Variants in ADRA1B observed in about 807,000 individuals in gnomAD.
ADRA1B encodes adrenoceptor alpha 1B, also known as alpha-1B adrenergic receptor.
A neutral mutation model predicts 17.9 loss-of-function variants in ADRA1B; 17 were observed. The ratio of observed to expected loss-of-function variants is 0.95; its 90% CI spans 0.65 to 1.42. The LOEUF (loss-of-function observed/expected upper bound fraction) is 1.42, where lower values mean the gene tolerates loss of function less well. ADRA1B is among the 40% of genes most tolerant of loss of function. The pLI, the probability that ADRA1B is intolerant of heterozygous loss-of-function variation, is 0.00. For synonymous variants in ADRA1B, 366 were observed against 327.6 expected (o/e 1.12, Z -1.27); for missense variants, 681 against 722.1 (o/e 0.94, Z 0.65).
At chr5:159,881,323 C>G (rs1001676591) in intron 1 of ADRA1B, among the ~76,000 whole-genome samples, 14 of 151,776 alleles carry the variant, frequency 9.2e-5, no homozygotes, top group East Asian at 3.9e-4. Context: ...CTCTCTCTCT[C>G]TCTCTCTCTC....
At chr5:159,916,320 C>G (rs1294292987), upstream of ADRA1B, 1 of 152,008 alleles carries the variant, frequency 6.6e-6, no homozygotes, top group African/African-American at 2.4e-5. Context: ...GCCCCGCCCC[C>G]CGCAGAGGGC....
At chr5:159,952,982 G>T (rs1581063255) in intron 1 of ADRA1B, among the ~76,000 whole-genome samples, 1 of 152,142 alleles carries the variant, frequency 6.6e-6, no homozygotes, top group Non-Finnish European at 1.5e-5. Flanking sequence ...TACACAGGGG[G>T]GATGCTATTT....
intron 1 of ADRA1B, among the ~76,000 whole-genome samples, chr5:159,962,403 T>A (rs546654364): frequency 1.1e-4 from 17 of 150,070 alleles, no homozygotes; most frequent in African/African-American, 4.2e-4. Context: ...GCCATCCGTC[T>A]GATTTCATTT....
chr5:159,985,233 C>G, the ADRA1B span, among the ~76,000 whole-genome samples: 1 of 152,218 alleles, frequency 6.6e-6, no homozygotes, highest in African/African-American at 2.4e-5. Context: ...CATTCTAAAA[C>G]AGATCATCTG....
intron 1 of ADRA1B, among the ~76,000 whole-genome samples, chr5:159,954,260 G>A (rs777630973): frequency 2.6e-5 from 4 of 152,198 alleles, no homozygotes; most frequent in Non-Finnish European, 4.4e-5. Context: ...CTGGAGGCTG[G>A]AAGTCCGAGA....
intron 1 of ADRA1B, among the ~76,000 whole-genome samples, chr5:159,927,622 C>G (rs1754695802): frequency 6.6e-6 from 1 of 152,202 alleles, no homozygotes; most frequent in South Asian, 2.1e-4. Context: ...TCCCATTTCA[C>G]TGAGATGGTC....
downstream of ADRA1B, among the ~76,000 whole-genome samples, chr5:159,974,453 G>A (rs1168861089): frequency 6.6e-6 from 1 of 152,086 alleles, no homozygotes; most frequent in Non-Finnish European, 1.5e-5. Context: ...TGGCCAACAG[G>A]GTGAAACCTC....
At chr5:159,962,669 CTT>C (rs113639158) in intron 1 of ADRA1B, among the ~76,000 whole-genome samples, 100 of 124,826 alleles carry the variant, frequency 8.0e-4, no homozygotes, top group Middle Eastern at 4.0e-3. Context: ...TGTTTTTCAG[CTT>C]TTTTTTTTTT....
In ADRA1B at chr5:159,943,916, A is replaced by T. The variant is rs879575578; in HGVS notation, c.949+26062A>T. ...CTCTCTCTCTCTCTGTCTCTCTCAC[A>T]CACACACACACACACACACACACAA... On this transcript the variant is annotated intron_variant, in intron 1 of 1. Coordinates refer to ENST00000306675, the MANE Select transcript of ADRA1B (RefSeq NM_000679.4). 6.7e-3 allele frequency among the ~76,000 whole-genome samples: 697 copies of T among 103,812 alleles called. 10 individuals carry two copies. The highest frequency in any genetic ancestry group is 0.017 in the African/African-American group (571 of 34,494). The allele number at this position is 103,812 out of a possible 152,430, so 68.1% of individuals were successfully genotyped here.
intron 1 of ADRA1B, chr5:159,950,420 G>T: frequency 1.3e-6 from 1 of 753,626 alleles, no homozygotes; most frequent in South Asian, 1.5e-5. Flanking sequence ...GACTGTGTGT[G>T]GCAGGGACTC....
chr5:159,980,212 C>T, the ADRA1B span, among the ~76,000 whole-genome samples: 2 of 151,988 alleles, frequency 1.3e-5, no homozygotes, highest in Non-Finnish European at 2.9e-5. Context: ...GTGGCTGGAT[C>T]GGTGGTCACA....
intron 1 of ADRA1B, among the ~76,000 whole-genome samples, chr5:159,921,519 G>C (rs911012469): frequency 1.3e-5 from 2 of 152,162 alleles, no homozygotes; most frequent in African/African-American, 4.8e-5. Context: ...TGCAGCAGTG[G>C]GGGAAATTGG....
intron 1 of ADRA1B, among the ~76,000 whole-genome samples, chr5:159,880,083 C>T (rs1037906588): frequency 3.9e-5 from 6 of 152,110 alleles, no homozygotes; most frequent in Non-Finnish European, 8.8e-5. Flanking sequence ...TTCAGTGTGG[C>T]GATTGTTAGC....
intron 1 of ADRA1B, among the ~76,000 whole-genome samples, chr5:159,933,772 G>A (rs776693027): frequency 6.6e-6 from 1 of 152,238 alleles, no homozygotes; most frequent in Non-Finnish European, 1.5e-5. Context: ...GCCCACATCA[G>A]TGGTTTGAGG....
At chr5:159,966,021 C>T (rs1459541688) in intron 1 of ADRA1B, among the ~76,000 whole-genome samples, 2 of 152,038 alleles carry the variant, frequency 1.3e-5, no homozygotes, top group African/African-American at 2.4e-5. Flanking sequence ...GTAATCCGCC[C>T]TCCTTGGCCT....
At chr5:159,986,286 C>T in the ADRA1B span, among the ~76,000 whole-genome samples, 1 of 152,208 alleles carries the variant, frequency 6.6e-6, no homozygotes, top group Non-Finnish European at 1.5e-5. Flanking sequence ...AGAGACAGAG[C>T]CCCACTATGT....
intron 1 of ADRA1B, among the ~76,000 whole-genome samples, chr5:159,966,084 A>G (rs1371773541): frequency 1.3e-5 from 2 of 152,064 alleles, no homozygotes; most frequent in Admixed American, 6.6e-5. Flanking sequence ...AGAACTCTGA[A>G]TTTTAAGGCT....
At chr5:159,909,464 T>G (rs1328706857) in intron 1 of ADRA1B, among the ~76,000 whole-genome samples, 1 of 152,036 alleles carries the variant, frequency 6.6e-6, no homozygotes, top group African/African-American at 2.4e-5. Context: ...TAGCTACAAG[T>G]GAAAATCCCC....
chr5:159,879,214 G>T (rs940517011), intron 1 of ADRA1B, among the ~76,000 whole-genome samples: 1 of 152,136 alleles, frequency 6.6e-6, no homozygotes, highest in Non-Finnish European at 1.5e-5. Flanking sequence ...GGGAGGATTT[G>T]CTCGGATTAG....
Sources: gnomAD v4.1 joint callset for allele counts (sites outside exome capture counted in the v4.1 genomes callset) on GRCh38, gnomAD v4.1.1 for gene constraint, MANE v1.5 for transcripts, NCBI Gene and HGNC (gene_info 2026-07-23, HGNC 2026-07-21) for gene names.